Variants in TAF3 observed in about 807,000 individuals in gnomAD.
The protein encoded by TAF3 is TATA-box binding protein associated factor 3.
A neutral mutation model predicts 80.6 loss-of-function variants in TAF3; 7 were observed. The ratio of observed to expected loss-of-function variants is 0.09; its 90% CI spans 0.05 to 0.16. TAF3 has a LOEUF of 0.16. TAF3 is among the 10% of genes least tolerant of loss of function. The pLI is 1.00. For synonymous variants in TAF3, 444 were observed against 446.1 expected, an observed-to-expected ratio of 1.00 and a Z score of 0.06; for missense variants, 921 against 1,140.2, an observed-to-expected ratio of 0.81 and a Z score of 2.77.
intron 2 of TAF3, among the ~76,000 whole-genome samples, chr10:7,922,798 GA>G (rs933293896): frequency 2.1e-4 from 32 of 152,048 alleles, no homozygotes; most frequent in Admixed American, 1.9e-3. Context: ...GCTACTTCTT[GA>G]AATATTTAGA....
intron 2 of TAF3, among the ~76,000 whole-genome samples, chr10:7,925,633 G>A (rs1039931179): frequency 4.0e-5 from 6 of 151,516 alleles, no homozygotes; most frequent in African/African-American, 1.5e-4. Flanking sequence ...GTGAAACCCC[G>A]TTGCTACTAA....
chr10:7,872,466 A>G (rs1837276761), intron 2 of TAF3, among the ~76,000 whole-genome samples: 1 of 152,148 alleles, frequency 6.6e-6, no homozygotes, highest in Admixed American at 6.5e-5. Context: ...GTTTATCAGC[A>G]CTAAGCAATA....
chr10:7,892,313 G>T (rs1357850989), intron 2 of TAF3, among the ~76,000 whole-genome samples: 1 of 152,216 alleles, frequency 6.6e-6, no homozygotes, highest in Non-Finnish European at 1.5e-5. Flanking sequence ...AGCATGCTCA[G>T]TGTGGGTGAG....
intron 2 of TAF3, among the ~76,000 whole-genome samples, chr10:7,877,957 C>T (rs747754694): frequency 6.6e-6 from 1 of 152,174 alleles, no homozygotes; most frequent in East Asian, 1.9e-4. Flanking sequence ...GTTTCTGTCA[C>T]CTTACCTGTC....
At chr10:7,849,303 C>G (rs1244571092) in intron 2 of TAF3, among the ~76,000 whole-genome samples, 2 of 152,010 alleles carry the variant, frequency 1.3e-5, no homozygotes, top group Admixed American at 6.6e-5. Flanking sequence ...AAAAAAATTA[C>G]TGAGCTATTT....
intron 1 of TAF3, among the ~76,000 whole-genome samples, chr10:7,821,985 C>CT: frequency 1.3e-5 from 2 of 152,054 alleles, no homozygotes; most frequent in Non-Finnish European, 2.9e-5. Flanking sequence ...CTAGTTCATT[C>CT]CAAGGGTGTC....
At chr10:7,822,932 A>G (rs1479816379) in intron 1 of TAF3, among the ~76,000 whole-genome samples, 1 of 152,238 alleles carries the variant, frequency 6.6e-6, no homozygotes, top group Non-Finnish European at 1.5e-5. Context: ...TTTTCTAATT[A>G]CATTTGAAAA....
intron 2 of TAF3, among the ~76,000 whole-genome samples, chr10:7,843,690 G>T (rs1836941596): frequency 6.9e-6 from 1 of 144,078 alleles, no homozygotes; most frequent in Non-Finnish European, 1.5e-5. Flanking sequence ...GGATAATTGT[G>T]TTGCTTAATT....
At chr10:7,989,512 C>A (rs528462465) in intron 4 of TAF3, among the ~76,000 whole-genome samples, 1 of 152,086 alleles carries the variant, frequency 6.6e-6, no homozygotes, top group Admixed American at 6.5e-5. Flanking sequence ...TTTAAATTTC[C>A]TATGAAATAC....
intron 2 of TAF3, among the ~76,000 whole-genome samples, chr10:7,902,329 A>G (rs536774166): frequency 1.3e-5 from 2 of 152,258 alleles, no homozygotes; most frequent in Admixed American, 1.3e-4. Context: ...AGGCTGAGGC[A>G]GGAGAATCAC....
At chr10:7,958,380 C>G (rs999385915) in intron 2 of TAF3, among the ~76,000 whole-genome samples, 1 of 151,146 alleles carries the variant, frequency 6.6e-6, no homozygotes, top group Non-Finnish European at 1.5e-5. Context: ...ACTTTTTTAC[C>G]AGGAGAATGG....
Position 7,985,818 on chromosome 10 carries a change from CTG to C in TAF3, c.2315+8498_2315+8499del, listed in dbSNP as rs531824184. Among the ~76,000 whole-genome samples, 138 of 133,002 alleles carry C rather than the reference CTG, an allele frequency of 1.0e-3. 2 individuals carry two copies. The East Asian group carries it at 0.027, about 26-fold the overall frequency. The allele number at this position is 133,002 out of a possible 152,430, so 87.3% of individuals were successfully genotyped here. A position where few individuals can be genotyped will look rare whatever the true frequency, so the allele number is the denominator to read the frequency against. On this transcript the variant is annotated intron_variant, in intron 4 of 6. Coordinates refer to ENST00000344293, the MANE Select transcript of TAF3 (RefSeq NM_031923.4). ...TTTTTTTTTGAGACGGAATCTCACT[CTG>C]TGGCCCAGGCTGAAGTGCAGTGGTG...
rs1053809442 is a variant in TAF3, at chr10:7,954,587, C to T, written c.410-9333C>T. Among the ~76,000 whole-genome samples the T allele has an allele frequency of 5.8e-5, 8 of 137,740 alleles. 1 individual carries two copies. The highest frequency in any genetic ancestry group is 1.1e-4 in the Non-Finnish European group (7 of 63,232). 90.4% of individuals were successfully genotyped at this position (137,740 alleles called of 152,430 possible). On this transcript the variant is annotated intron_variant, in intron 2 of 6. Coordinates refer to ENST00000344293, the MANE Select transcript of TAF3 (RefSeq NM_031923.4). The stretch of plus-strand genomic sequence containing the variant: ...TCCATAGTGAGATTTAGAGTGCACT[C>T]CATAGGTGAATGAATGAATTAGTCC...
intron 2 of TAF3, among the ~76,000 whole-genome samples, chr10:7,915,352 A>G (rs1445934269): frequency 1.3e-5 from 2 of 151,480 alleles, no homozygotes; most frequent in Admixed American, 6.6e-5. Flanking sequence ...TTAGGCTCCT[A>G]AAGAATCATG....
At chr10:8,012,340 A>G (rs773128289) in intron 5 of TAF3, among the ~76,000 whole-genome samples, 36 of 152,210 alleles carry the variant, frequency 2.4e-4, no homozygotes, top group Non-Finnish European at 3.8e-4. Context: ...TGCCACTTAA[A>G]TTCCCTTAGC....
chr10:7,954,522 T>C lies in TAF3; in HGVS notation c.410-9398T>C, dbSNP rs1038944038. ...ATAGTGAGATTCAGAGTGCACTCCA[T>C]AGGCGAATGAGTGAATTAGTTCTAG... On this transcript the variant is annotated intron_variant, in intron 2 of 6. Coordinates refer to ENST00000344293, the MANE Select transcript of TAF3 (RefSeq NM_031923.4). 1.4e-5 allele frequency among the ~76,000 whole-genome samples: 2 copies of C among 138,886 alleles called. 1 individual carries two copies. Among genetic ancestry groups the C allele is most frequent in the South Asian group, 5.3e-4 (2 of 3,760 alleles). The allele number at this position is 138,886 out of a possible 152,430, so 91.1% of individuals were successfully genotyped here.
At chr10:7,937,841 T>G (rs1375929907) in intron 2 of TAF3, among the ~76,000 whole-genome samples, 4 of 152,214 alleles carry the variant, frequency 2.6e-5, no homozygotes, top group African/African-American at 9.7e-5. Context: ...TTTTTTATGC[T>G]CTTTTGTAGA....
intron 4 of TAF3, among the ~76,000 whole-genome samples, chr10:7,996,974 A>G (rs1279212261): frequency 6.6e-6 from 1 of 151,828 alleles, no homozygotes; most frequent in African/African-American, 2.4e-5. Flanking sequence ...GATTATAAGC[A>G]TGAGCCACTG....
rs59148597 is a variant in TAF3, at chr10:7,942,777, A to G, written c.410-21143A>G. On this transcript the variant is annotated intron_variant, in intron 2 of 6. Coordinates refer to ENST00000344293, the MANE Select transcript of TAF3 (RefSeq NM_031923.4). ...GTTCTAGATCTTGTGATGTTTTAGT[A>G]AAGGCAGGAAATTTAGTTAAAAAAA... Among the ~76,000 whole-genome samples, 304 of 152,344 alleles carry G rather than the reference A, an allele frequency of 2.0e-3. 1 individual carries two copies. The highest frequency in any genetic ancestry group is 6.8e-3 in the African/African-American group (284 of 41,582).
Sources: gnomAD v4.1 joint callset for allele counts (sites outside exome capture counted in the v4.1 genomes callset) on GRCh38, gnomAD v4.1.1 for gene constraint, MANE v1.5 for transcripts, NCBI Gene and HGNC (gene_info 2026-07-23, HGNC 2026-07-21) for gene names.